STX8: variants seen among roughly 807,000 people sequenced by gnomAD.
STX8 encodes syntaxin-8.
Under a neutral mutation model 37.5 loss-of-function variants are expected in STX8, and 23 were observed. That is an observed-to-expected ratio of 0.61 (90% CI 0.44 to 0.87). The LOEUF (loss-of-function observed/expected upper bound fraction) is 0.87. Among genes scored for constraint, STX8 ranks in the 40% least tolerant of loss-of-function variants. STX8 has a pLI of 0.00. For synonymous variants in STX8, 115 were observed against 99.1 expected, an observed-to-expected ratio of 1.16 and a Z score of -0.95; for missense variants, 313 against 284.7, an observed-to-expected ratio of 1.10 and a Z score of -0.71.
chr17:9,506,601 A>AG (rs1326915949), intron 4 of STX8, among the ~76,000 whole-genome samples: 1 of 151,988 alleles, frequency 6.6e-6, no homozygotes. Flanking sequence ...AGGACTGAGG[A>AG]GGCCTGGACA....
At chr17:9,539,876 C>T (rs1189270617) in intron 4 of STX8, among the ~76,000 whole-genome samples, 2 of 152,110 alleles carry the variant, frequency 1.3e-5, no homozygotes, top group Non-Finnish European at 2.9e-5. Flanking sequence ...TAGAGCTGAG[C>T]GTTCCCTAAG....
intron 7 of STX8, among the ~76,000 whole-genome samples, chr17:9,298,535 G>C (rs558992710): frequency 1.5e-3 from 233 of 152,260 alleles, no homozygotes; most frequent in Non-Finnish European, 1.9e-3. Context: ...AACCGGGCCA[G>C]CCATGGTGGC....
intron 6 of STX8, among the ~76,000 whole-genome samples, chr17:9,465,661 A>G (rs1905580531): frequency 6.6e-6 from 1 of 152,206 alleles, no homozygotes; most frequent in African/African-American, 2.4e-5. Context: ...CTGTCATCAC[A>G]GAGTATGAAA....
At chr17:9,509,463 GA>G (rs1904953082) in intron 4 of STX8, among the ~76,000 whole-genome samples, 2 of 151,642 alleles carry the variant, frequency 1.3e-5, no homozygotes, top group Non-Finnish European at 2.9e-5. Context: ...AGAAATGAAA[GA>G]GAAATAAAAT....
At chr17:9,347,014 T>C (rs1910557069) in intron 7 of STX8, among the ~76,000 whole-genome samples, 1 of 151,836 alleles carries the variant, frequency 6.6e-6, no homozygotes, top group Non-Finnish European at 1.5e-5. Context: ...CTAATCCCAG[T>C]TACTCGGGAG....
intron 6 of STX8, among the ~76,000 whole-genome samples, chr17:9,421,804 T>G (rs1277166712): frequency 6.6e-6 from 1 of 152,102 alleles, no homozygotes; most frequent in Non-Finnish European, 1.5e-5. Context: ...CATGTCGAAT[T>G]GTAATCCCCA....
intron 3 of STX8, among the ~76,000 whole-genome samples, chr17:9,546,285 T>C (rs191165637): frequency 3.9e-5 from 6 of 152,288 alleles, no homozygotes; most frequent in African/African-American, 1.2e-4. Flanking sequence ...CCACTATCTA[T>C]GCTCTTGAAC....
rs371837016 is a variant in STX8, at chr17:9,460,610, T to C, written c.541+31219A>G. Among the ~76,000 whole-genome samples the C allele has an allele frequency of 1.1e-4, 16 of 146,674 alleles. No homozygotes were observed. The East Asian group carries it at 2.7e-3, about 25-fold the overall frequency. On this transcript the variant is annotated intron_variant, in intron 6 of 7. Coordinates refer to ENST00000306357, the MANE Select transcript of STX8 (RefSeq NM_004853.3). ...ATAGCTTGAACCCGGGAGGTGGAGG[T>C]TGCAGTGAGCCGAGATCGTGCCACT... is the stretch of plus-strand genomic sequence containing the variant.
At chr17:9,533,366 C>T (rs1905896176) in intron 4 of STX8, among the ~76,000 whole-genome samples, 1 of 152,138 alleles carries the variant, frequency 6.6e-6, no homozygotes, top group Admixed American at 6.5e-5. Context: ...TACTTGGGAG[C>T]TGAGGCAGGA....
At chr17:9,278,812 G>T (rs1259984452) in intron 7 of STX8, among the ~76,000 whole-genome samples, 2 of 151,984 alleles carry the variant, frequency 1.3e-5, no homozygotes, top group Non-Finnish European at 2.9e-5. Context: ...GGTGCAGGGG[G>T]TACCGTGAGT....
At chr17:9,309,985 A>G (rs975947226) in intron 7 of STX8, among the ~76,000 whole-genome samples, 3 of 151,786 alleles carry the variant, frequency 2.0e-5, no homozygotes, top group African/African-American at 7.3e-5. Context: ...ATATTTGTCA[A>G]TAGTCAAGTT....
chr17:9,271,533 C>T (rs575394253), intron 7 of STX8, among the ~76,000 whole-genome samples: 30 of 152,010 alleles, frequency 2.0e-4, no homozygotes, highest in African/African-American at 6.3e-4. Context: ...GGGTGGATCA[C>T]GAAGTCAAGA....
At chr17:9,310,792 T>A (rs1909165331) in intron 7 of STX8, among the ~76,000 whole-genome samples, 1 of 152,206 alleles carries the variant, frequency 6.6e-6, no homozygotes, top group Non-Finnish European at 1.5e-5. Context: ...GGGATTCAGA[T>A]CTACACTGAT....
At chr17:9,366,647 C>A (rs1256618206) in intron 7 of STX8, among the ~76,000 whole-genome samples, 1 of 152,166 alleles carries the variant, frequency 6.6e-6, no homozygotes, top group Non-Finnish European at 1.5e-5. Context: ...AAACAAAAAT[C>A]TTTTAAAAAG....
intron 7 of STX8, among the ~76,000 whole-genome samples, chr17:9,364,121 C>T (rs770637874): frequency 2.6e-5 from 4 of 152,144 alleles, no homozygotes; most frequent in East Asian, 3.8e-4. Context: ...ACACTTAACA[C>T]GCGCATTATC....
intron 7 of STX8, among the ~76,000 whole-genome samples, chr17:9,357,806 A>C (rs1053993673): frequency 6.6e-6 from 1 of 152,346 alleles, no homozygotes; most frequent in Middle Eastern, 3.4e-3. Context: ...TTATGATTGC[A>C]AAAGTACAAA....
intron 6 of STX8, among the ~76,000 whole-genome samples, chr17:9,399,027 T>C (rs1042953452): frequency 7.2e-6 from 1 of 137,998 alleles, no homozygotes; most frequent in African/African-American, 2.8e-5. Flanking sequence ...CCAGCCTGGG[T>C]GACAGAGTGA....
intron 6 of STX8, among the ~76,000 whole-genome samples, chr17:9,389,114 A>T (rs778048342): frequency 5.9e-5 from 9 of 152,226 alleles, no homozygotes; most frequent in Non-Finnish European, 1.0e-4. Flanking sequence ...ACTTTGAAAC[A>T]GATTGCCAAA....
At chr17:9,371,834 T>C (rs1486215485) in intron 7 of STX8, among the ~76,000 whole-genome samples, 3 of 152,158 alleles carry the variant, frequency 2.0e-5, no homozygotes, top group Non-Finnish European at 2.9e-5. Flanking sequence ...ATTTTTAAAA[T>C]ATATTTTAAA....
Sources: gnomAD v4.1 joint callset for allele counts (sites outside exome capture counted in the v4.1 genomes callset) on GRCh38, gnomAD v4.1.1 for gene constraint, MANE v1.5 for transcripts, NCBI Gene and HGNC (gene_info 2026-07-23, HGNC 2026-07-21) for gene names.